The following UBXN4 variants were observed in gnomAD, a reference collection of about 807,000 sequenced individuals.
UBXN4 encodes the protein UBX domain protein 4.
Under a neutral mutation model 66.2 loss-of-function variants are expected in UBXN4, and 35 were observed. That is an observed-to-expected ratio of 0.53 (90% CI 0.40 to 0.70). UBXN4 has a LOEUF of 0.70. Ranked by LOEUF, UBXN4 falls within the 30% of genes least tolerant of loss-of-function variation. The pLI is 0.00. For missense variants in UBXN4, 533 were observed against 599.8 expected, an observed-to-expected ratio of 0.89 and a Z score of 1.16; for synonymous variants, 203 against 204.5, an observed-to-expected ratio of 0.99 and a Z score of 0.06.
intron 2 of UBXN4, 33 bp downstream of exon 2, chr2:135,748,402 A>T (rs1337343636): frequency 6.9e-7 from 1 of 1,441,086 alleles, no homozygotes; most frequent in Non-Finnish European, 9.3e-7. Context: ...TATTAATTTT[A>T]AAATTTATAA....
chr2:135,746,119 G>A (rs549306034), intron 1 of UBXN4, among the ~76,000 whole-genome samples: 2 of 151,998 alleles, frequency 1.3e-5, no homozygotes, highest in South Asian at 2.1e-4. Context: ...CTCGTGATCC[G>A]TCCGCCTAAG....
At chr2:135,771,656 G>A (rs1343762799) in intron 8 of UBXN4, among the ~76,000 whole-genome samples, 2 of 152,136 alleles carry the variant, frequency 1.3e-5, no homozygotes, top group Non-Finnish European at 2.9e-5. Context: ...TCCACCTCCC[G>A]AGTTCAAGCA....
intron 10 of UBXN4, among the ~76,000 whole-genome samples, chr2:135,777,183 G>A (rs2077420655): frequency 6.6e-6 from 1 of 152,314 alleles, no homozygotes; most frequent in East Asian, 1.9e-4. Flanking sequence ...TATATCTTGA[G>A]ATATGAGTAG....
At position 135,770,686 on chromosome 2, in the gene UBXN4, A is replaced by C; in HGVS notation, c.773A>C (p.Lys258Thr). ...KRMLEERNRE[K>T]AEDRAARERI... ...ATGCTGGAGGAAAGAAACAGAGAGA[A>C]AGCAGAAGATAGGGCAGCTCGAGAA... The change falls in exon 8 of 13, where the codon AAA (lysine) becomes ACA (threonine). Residue 258 changes from lysine (K) to threonine (T), a missense_variant. By Grantham distance (78) the Lys-to-Thr change is moderately conservative (BLOSUM62 -1). Around this residue, in one of 2 missense-constraint regions of UBXN4, gnomAD observed 529 missense variants for 580.1 expected, o/e 0.91. Coordinates refer to ENST00000272638, the MANE Select transcript of UBXN4 (RefSeq NM_014607.4). 1.3e-6 allele frequency: 2 copies of C among 1,577,218 alleles called. No individual in the cohort carries two copies.
At position 135,755,630 on chromosome 2, in the gene UBXN4, C is replaced by T. The variant is rs747039360; in HGVS notation, c.447C>T (p.Ser149=). 2 of 1,607,192 alleles carry T rather than the reference C, an allele frequency of 1.2e-6. No homozygotes were observed. Among genetic ancestry groups the T allele is most frequent in the Admixed American group, 1.7e-5 (1 of 59,118 alleles). Residue 149 remains serine, a synonymous_variant, in exon 5 of 13, where the codon TCC becomes TCT. Coordinates refer to ENST00000272638, the MANE Select transcript of UBXN4 (RefSeq NM_014607.4). ...EPNNTCENSQ[S]RNAELCEIPP... is the part of the protein sequence containing the mutation. ...ACAACACTTGTGAAAACTCTCAGTCCAGAAATGCAGAGCTTTGTGAGATAC... is the reference window on the plus strand; with the variant it reads ...ACAACACTTGTGAAAACTCTCAGTCTAGAAATGCAGAGCTTTGTGAGATAC...
chr2:135,753,302 G>A (rs910184414), intron 2 of UBXN4, among the ~76,000 whole-genome samples: 18 of 152,164 alleles, frequency 1.2e-4, no homozygotes, highest in Non-Finnish European at 2.4e-4. Flanking sequence ...GGGATTACAG[G>A]CATGAGCCAC....
chr2:135,770,150 AT>A (rs1042428913), intron 7 of UBXN4, among the ~76,000 whole-genome samples: 2 of 152,108 alleles, frequency 1.3e-5, no homozygotes, highest in Non-Finnish European at 2.9e-5. Context: ...ATGTATAGAC[AT>A]TTTGCTGAAT....
rs1412892731 is a variant in UBXN4 at position 135,761,880 on chromosome 2, C to T, written c.571C>T (p.Pro191Ser). 4 of 1,613,516 alleles carry T rather than the reference C, an allele frequency of 2.5e-6. No homozygotes were observed. The East Asian group carries it at 6.7e-5, about 27-fold the overall frequency. The change falls in exon 6 of 13, where the codon CCT (proline) becomes TCT (serine). Residue 191 changes from proline (P) to serine (S), a missense_variant. Physicochemically the swap from Pro to Ser is moderately conservative, Grantham distance 74 (BLOSUM62 -1). This residue lies in a region of UBXN4 where 529 missense variants were observed against 580.1 expected (regional missense o/e 0.91). Transcript: ENST00000272638. ...GCCTAGTGGATGCTCAGATCAGAGA[C>T]CTGCAGAGGACCTCAACATCCGAGT... Reference protein sequence around the residue: ...QEPSGCSDQRPAEDLNIRVER... With the variant: ...QEPSGCSDQRSAEDLNIRVER...
At chr2:135,782,727 T>TG in intron 12 of UBXN4, 22 bp from the exon 13 acceptor site, 1 of 1,609,170 alleles carries the variant, frequency 6.2e-7, no homozygotes, top group Non-Finnish European at 8.5e-7. Context: ...ATCTTCCCCT[T>TG]GCTCCCTCTT....
chr2:135,766,590 C>T (rs182223082), intron 6 of UBXN4, among the ~76,000 whole-genome samples: 38 of 152,292 alleles, frequency 2.5e-4, no homozygotes, highest in African/African-American at 8.2e-4. Context: ...TCTACAATGT[C>T]CTTTGATCTG....
chr2:135,758,608 A>G (rs1324122259), intron 5 of UBXN4, among the ~76,000 whole-genome samples: 2 of 152,126 alleles, frequency 1.3e-5, no homozygotes, highest in African/African-American at 4.8e-5. Flanking sequence ...TCCATTGCCT[A>G]GCTTCATGGC....
In UBXN4 at chr2:135,784,693, A is replaced by G. The variant is rs1293078125; in HGVS notation, c.*1806A>G. On this transcript the variant is annotated 3_prime_UTR_variant, in exon 13 of 13. Coordinates refer to ENST00000272638, the MANE Select transcript of UBXN4 (RefSeq NM_014607.4). ...TGTGACTTTTTAAAAAAGCTGTCAA[A>G]TAGGTGTGACCCTACTAATAATTAT... 2 of 152,652 alleles carry G rather than the reference A, an allele frequency of 1.3e-5. No homozygotes were observed. The highest frequency in any genetic ancestry group is 4.8e-5 in the African/African-American group (2 of 41,460). The allele number at this position is 152,652 out of a possible 1,614,324, so 9.5% of individuals were successfully genotyped here.
intron 9 of UBXN4, among the ~76,000 whole-genome samples, chr2:135,773,144 T>G (rs1029648627): frequency 2.0e-5 from 3 of 152,110 alleles, no homozygotes; most frequent in African/African-American, 7.2e-5. Flanking sequence ...GTATTAGGAT[T>G]CTTTATTTTT....
intron 7 of UBXN4, 92 bp from the exon 8 acceptor site, chr2:135,770,479 T>C: frequency 1.2e-6 from 1 of 855,508 alleles, no homozygotes; most frequent in Non-Finnish European, 1.7e-6. Flanking sequence ...TATGAAGTTT[T>C]ATTCTTTTAA....
chr2:135,776,632 C>T (rs2077416633), intron 10 of UBXN4, among the ~76,000 whole-genome samples: 1 of 152,160 alleles, frequency 6.6e-6, no homozygotes, highest in East Asian at 1.9e-4. Flanking sequence ...CTCACTGTGT[C>T]GCCTAGGCTG....
intron 7 of UBXN4, 83 bp downstream of exon 7, chr2:135,769,906 A>C (rs1165725516): frequency 8.2e-7 from 1 of 1,223,964 alleles, no homozygotes; most frequent in Non-Finnish European, 1.1e-6. Flanking sequence ...TGGCAGGCCT[A>C]GGGTGACTTC....
chr2:135,747,459 T>C (rs1042822459), intron 1 of UBXN4, among the ~76,000 whole-genome samples: 1 of 151,922 alleles, frequency 6.6e-6, no homozygotes, highest in African/African-American at 2.4e-5. Context: ...CATAGATTAG[T>C]TATAGGTTAG....
intron 12 of UBXN4, among the ~76,000 whole-genome samples, chr2:135,780,632 G>C (rs979255290): frequency 6.6e-6 from 1 of 152,060 alleles, no homozygotes; most frequent in Admixed American, 6.6e-5. Flanking sequence ...CTGGTTTATT[G>C]TTTCATTCAT....
intron 2 of UBXN4, among the ~76,000 whole-genome samples, chr2:135,749,625 GAAGTAT>G (rs1364446186): frequency 1.3e-5 from 2 of 152,048 alleles, no homozygotes; most frequent in African/African-American, 2.4e-5. Context: ...GTATGTCTCT[GAAGTAT>G]AAGTATTGTT....
Sources: gnomAD v4.1 joint callset for allele counts (sites outside exome capture counted in the v4.1 genomes callset) on GRCh38, gnomAD v4.1.1 for gene constraint, gnomAD v4.1.1 regional missense constraint, MANE v1.5 for transcripts, NCBI Gene and HGNC (gene_info 2026-07-23, HGNC 2026-07-21) for gene names.